Variants in RBFOX1 observed in about 807,000 individuals in gnomAD.
The protein encoded by RBFOX1 is RNA binding protein fox-1 homolog 1.
Under a neutral mutation model 57.7 loss-of-function variants are expected in RBFOX1, and 8 were observed. The ratio of observed to expected loss-of-function variants is 0.14; its 90% CI spans 0.08 to 0.25. The LOEUF is 0.25. Ranked by LOEUF, RBFOX1 falls within the 10% of genes least tolerant of loss-of-function variation. RBFOX1 has a pLI of 1.00. For synonymous variants in RBFOX1, 326 were observed against 222.4 expected, an observed-to-expected ratio of 1.47 and a Z score of -4.15; for missense variants, 611 against 548.5, an observed-to-expected ratio of 1.11 and a Z score of -1.14.
chr16:5,241,633 C>T (rs979671229), intron 1 of RBFOX1, among the ~76,000 whole-genome samples: 1 of 152,188 alleles, frequency 6.6e-6, no homozygotes, highest in Admixed American at 6.5e-5. Context: ...ATGGATCTGT[C>T]AACAGGCCCC....
At chr16:6,995,598 A>G (rs969314527) in intron 3 of RBFOX1, among the ~76,000 whole-genome samples, 1 of 152,058 alleles carries the variant, frequency 6.6e-6, no homozygotes, top group Non-Finnish European at 1.5e-5. Flanking sequence ...TGTCTCTACT[A>G]AACATACAAA....
chr16:6,637,493 T>C (rs4990073), intron 2 of RBFOX1, among the ~76,000 whole-genome samples: 1 of 93,452 alleles, frequency 1.1e-5, no homozygotes, highest in African/African-American at 4.3e-5. Context: ...TCCTATATAT[T>C]ATATATAATA....
At chr16:6,316,230 T>G (rs2081108310) in intron 1 of RBFOX1, among the ~76,000 whole-genome samples, 1 of 152,154 alleles carries the variant, frequency 6.6e-6, no homozygotes, top group African/African-American at 2.4e-5. Context: ...CCAGAACTCT[T>G]GATTTTTCTG....
chr16:6,040,281 A>G (rs748310260), intron 1 of RBFOX1, among the ~76,000 whole-genome samples: 49 of 152,214 alleles, frequency 3.2e-4, no homozygotes, highest in Non-Finnish European at 5.1e-4. Flanking sequence ...ATTGTTGCGC[A>G]AGCAACACTA....
intron 6 of RBFOX1, among the ~76,000 whole-genome samples, chr16:7,582,205 A>C (rs2093824933): frequency 1.3e-5 from 2 of 152,106 alleles, no homozygotes. Context: ...CAAGATTTTC[A>C]AGCAACTGAC....
At chr16:6,440,259 T>C (rs1273034656) in intron 2 of RBFOX1, among the ~76,000 whole-genome samples, 1 of 152,016 alleles carries the variant, frequency 6.6e-6, no homozygotes, top group African/African-American at 2.4e-5. Flanking sequence ...TATTGATGAG[T>C]AAGCAGAGAA....
At chr16:6,640,713 T>G (rs369821253) in intron 2 of RBFOX1, among the ~76,000 whole-genome samples, 130 of 152,270 alleles carry the variant, frequency 8.5e-4, no homozygotes, top group African/African-American at 2.7e-3. Context: ...CAAATACTTG[T>G]GACCCTCTAG....
chr16:6,237,928 A>C (rs2097518438), intron 1 of RBFOX1, among the ~76,000 whole-genome samples: 1 of 151,018 alleles, frequency 6.6e-6, no homozygotes, highest in Non-Finnish European at 1.5e-5. Context: ...CTGCCTCTAC[A>C]AAAAGTACAA....
chr16:6,059,401 A>G (rs2095655876), intron 1 of RBFOX1: 1 of 152,228 alleles, frequency 6.6e-6, no homozygotes, highest in African/African-American at 2.4e-5. Context: ...AATCTCTTTA[A>G]TATTATTGCA....
At chr16:5,852,538 G>A (rs1416194834) in intron 3 of RBFOX1, among the ~76,000 whole-genome samples, 1 of 152,214 alleles carries the variant, frequency 6.6e-6, no homozygotes, top group Non-Finnish European at 1.5e-5. Flanking sequence ...GGAGGTCAAT[G>A]CATAACTGTT....
chr16:6,924,029 G>A (rs9888943), intron 3 of RBFOX1, among the ~76,000 whole-genome samples: 34,000 of 151,606 alleles, frequency 0.22, 3,914 homozygotes, highest in Admixed American at 0.25. Flanking sequence ...CATTAGTCAG[G>A]TATGGTGGTA....
intron 3 of RBFOX1, among the ~76,000 whole-genome samples, chr16:5,627,882 C>G (rs992125751): frequency 6.6e-6 from 1 of 152,152 alleles, no homozygotes; most frequent in East Asian, 1.9e-4. Flanking sequence ...ATTTTAGTAT[C>G]CACAAGGGGG....
chr16:6,065,467 A>C (rs2095749403), intron 1 of RBFOX1, among the ~76,000 whole-genome samples: 1 of 152,128 alleles, frequency 6.6e-6, no homozygotes, highest in Non-Finnish European at 1.5e-5. Context: ...GTCATAGATC[A>C]TTTCAAAGCC....
chr16:5,758,004 G>C (rs940823992), intron 3 of RBFOX1, among the ~76,000 whole-genome samples: 1 of 152,168 alleles, frequency 6.6e-6, no homozygotes, highest in Non-Finnish European at 1.5e-5. Flanking sequence ...GTGGCACTGA[G>C]CTTCCCAGAA....
In RBFOX1 at chr16:7,037,018, G is replaced by A. The variant is rs537052572; in HGVS notation, c.-15-15039G>A. Among the ~76,000 whole-genome samples, 11 of 152,224 alleles carry A rather than the reference G, an allele frequency of 7.2e-5. No individual in the cohort carries two copies. In the South Asian group the frequency reaches 2.3e-3, roughly 32 times the overall value. ...GCCATGGCATTTATAAACTGTCATGGTGCCAGTGGGAGTGTGGCAGTGAGG... is the reference window on the plus strand; with the variant it reads ...GCCATGGCATTTATAAACTGTCATGATGCCAGTGGGAGTGTGGCAGTGAGG... On this transcript the variant is annotated intron_variant, in intron 3 of 15. Transcript: ENST00000550418.
intron 2 of RBFOX1, among the ~76,000 whole-genome samples, chr16:6,470,329 G>T (rs141818794): frequency 6.6e-6 from 1 of 152,134 alleles, no homozygotes. Context: ...ATTCATTTTC[G>T]TAGGTATAAA....
At chr16:5,794,656 G>C (rs762531483) in intron 3 of RBFOX1, among the ~76,000 whole-genome samples, 3 of 152,300 alleles carry the variant, frequency 2.0e-5, no homozygotes, top group Non-Finnish European at 4.4e-5. Context: ...AGCTGGAGGA[G>C]TCGGGCGGCC....
intron 3 of RBFOX1, among the ~76,000 whole-genome samples, chr16:5,826,194 T>C (rs1567592604): frequency 6.7e-6 from 1 of 149,912 alleles, no homozygotes; most frequent in Admixed American, 6.7e-5. Context: ...ATATTTCTTA[T>C]AGTAATATTC....
rs375734973 is a variant in RBFOX1 at position 7,325,130 on chromosome 16, G to T, written c.28-193017G>T. Among the ~76,000 whole-genome samples the T allele has an allele frequency of 1.9e-4, 29 of 152,262 alleles. No homozygotes were observed. In the South Asian group the frequency reaches 5.0e-3, roughly 26 times the overall value. ...TATCCCTGGCTTGATCCTCCAACCA[G>T]CTGCTAATTCTGTTGTCACTATGAC... On this transcript the variant is annotated intron_variant, in intron 4 of 15. Transcript: ENST00000550418.
Sources: gnomAD v4.1 joint callset for allele counts (sites outside exome capture counted in the v4.1 genomes callset) on GRCh38, gnomAD v4.1.1 for gene constraint, MANE v1.5 for transcripts, NCBI Gene and HGNC (gene_info 2026-07-23, HGNC 2026-07-21) for gene names.